Variants in HDC observed in about 807,000 individuals in gnomAD.
HDC encodes histidine decarboxylase.
A neutral mutation model predicts 64.4 loss-of-function variants in HDC; 27 were observed. The observed-to-expected ratio is 0.42, with a 90% CI of 0.31 to 0.58. HDC has a LOEUF of 0.58. Among genes scored for constraint, HDC ranks in the 20% least tolerant of loss-of-function variants. The pLI is 0.16. For synonymous variants in HDC, 305 were observed against 314.2 expected (o/e 0.97, Z 0.31); for missense variants, 711 against 833.9 (o/e 0.85, Z 1.81).
chr15:50,255,393 T>C (rs2045616939), intron 4 of HDC, among the ~76,000 whole-genome samples: 1 of 152,146 alleles, frequency 6.6e-6, no homozygotes, highest in Admixed American at 6.5e-5. Flanking sequence ...AGAATCCTGC[T>C]AAAAATGCCT....
rs761455765 is a variant in HDC at position 50,242,363 on chromosome 15, G to C, written c.1886C>G (p.Ala629Gly). The change falls in exon 12 of 12, where the codon GCC becomes GGC. Residue 629 changes from alanine to glycine, a missense_variant. Physicochemically the swap from Ala to Gly is moderately conservative, Grantham distance 60. Around this residue, in one of 3 missense-constraint regions of HDC, gnomAD observed 483 missense variants for 540.9 expected, o/e 0.89. Coordinates refer to ENST00000267845, the MANE Select transcript of HDC (RefSeq NM_002112.4). ...GTAGAATTTGATGAGTTTTTTGAAGGCACTTTTCTTCAGCATCATCATGTC... is the reference window on the plus strand; with the variant it reads ...GTAGAATTTGATGAGTTTTTTGAAGCCACTTTTCTTCAGCATCATCATGTC... ...PEDMMMLKKSAFKKLIKFYSV... is the reference protein window; with the variant it reads ...PEDMMMLKKSGFKKLIKFYSV... 3.1e-6 allele frequency: 5 copies of C among 1,613,936 alleles called. No individual in the cohort carries two copies. The Admixed American group carries it at 5.0e-5, about 16-fold the overall frequency.
Position 50,258,435 on chromosome 15 carries a change from G to A in HDC, c.287C>T (p.Ala96Val). 4 of 1,613,166 alleles carry A rather than the reference G, an allele frequency of 2.5e-6. No individual in the cohort carries two copies. The highest frequency in any genetic ancestry group is 2.5e-6 in the Non-Finnish European group (3 of 1,179,224). The change falls in exon 3 of 12, where the codon GCT becomes GTT. Residue 96 changes from alanine to valine, a missense_variant. By Grantham distance (64) the Ala-to-Val change is moderately conservative. Coordinates refer to ENST00000267845, the MANE Select transcript of HDC (RefSeq NM_002112.4). ...GAATCCCAAGCAGTTGATGGCATCA[G>A]CCAGCATGTCTCCTAGCAGGGAGGG... is the stretch of plus-strand genomic sequence containing the variant. ...SWPSLLGDML[A>V]DAINCLGFTW...
intron 7 of HDC, chr15:50,253,308 G>C (rs1162311738): frequency 2.1e-6 from 1 of 484,236 alleles, no homozygotes; most frequent in Non-Finnish European, 3.8e-6. Flanking sequence ...CCTGCATTAA[G>C]TAAAGTTCAA....
chr15:50,262,333 T>A (rs2045714797), intron 2 of HDC, among the ~76,000 whole-genome samples: 1 of 152,224 alleles, frequency 6.6e-6, no homozygotes. Flanking sequence ...TTAACTTCTC[T>A]GAGCATCAGC....
intron 2 of HDC, among the ~76,000 whole-genome samples, chr15:50,261,382 A>G (rs759624970): frequency 3.9e-5 from 6 of 152,190 alleles, no homozygotes; most frequent in Non-Finnish European, 5.9e-5. Flanking sequence ...CCAGGAGATA[A>G]TCTTATCAGG....
chr15:50,244,639 T>C (rs933953421), intron 10 of HDC: 3 of 152,184 alleles, frequency 2.0e-5, no homozygotes, highest in African/African-American at 7.2e-5. Flanking sequence ...TGAAATGAGT[T>C]TCTCCAAATC....
chr15:50,253,569 G>A (rs199525691), intron 7 of HDC, 31 bp downstream of exon 7: 1 of 1,583,688 alleles, frequency 6.3e-7, no homozygotes, highest in East Asian at 2.2e-5. Flanking sequence ...TGTATTCCTT[G>A]TCTTCCTAGC....
chr15:50,260,301 A>G (rs1793854), intron 2 of HDC, among the ~76,000 whole-genome samples: 148,058 of 152,244 alleles, frequency 0.97, 71,997 homozygotes, highest in East Asian at 1. Context: ...GATTACAGGC[A>G]TGCACCACTG....
At chr15:50,245,609 G>T (rs1310510100) in intron 10 of HDC, among the ~76,000 whole-genome samples, 1 of 152,092 alleles carries the variant, frequency 6.6e-6, no homozygotes, top group Non-Finnish European at 1.5e-5. Flanking sequence ...AATTAGGAAG[G>T]CATGGCCAGG....
At chr15:50,264,678 C>T (rs1595713613) in intron 1 of HDC, among the ~76,000 whole-genome samples, 1 of 152,172 alleles carries the variant, frequency 6.6e-6, no homozygotes, top group African/African-American at 2.4e-5. Context: ...AGAGGGGACT[C>T]AGTTTCTCCC....
chr15:50,253,159 G>T (rs770713875), intron 7 of HDC: 7 of 384,354 alleles, frequency 1.8e-5, no homozygotes, highest in Non-Finnish European at 2.9e-5. Flanking sequence ...CTTGCTTGGG[G>T]ATTAAACAGT....
At chr15:50,260,412 C>A (rs1336177042) in intron 2 of HDC, among the ~76,000 whole-genome samples, 1 of 152,164 alleles carries the variant, frequency 6.6e-6, no homozygotes, top group Non-Finnish European at 1.5e-5. Context: ...CCTCCCTCAA[C>A]CTCAGTTTCT....
intron 7 of HDC, 103 bp downstream of exon 7, chr15:50,253,497 G>A (rs1281234322): frequency 3.8e-6 from 4 of 1,058,856 alleles, no homozygotes; most frequent in Admixed American, 1.7e-5. Flanking sequence ...ATTGACCAAA[G>A]AGGAACAAGA....
intron 10 of HDC, among the ~76,000 whole-genome samples, chr15:50,245,085 C>A (rs2045461601): frequency 6.6e-6 from 1 of 152,206 alleles, no homozygotes; most frequent in African/African-American, 2.4e-5. Context: ...GAGGAGAATA[C>A]AGAGCACAGG....
At chr15:50,258,351 A>C (rs1302952543) in intron 3 of HDC, 53 bp downstream of exon 3, 1 of 968,804 alleles carries the variant, frequency 1.0e-6, no homozygotes, top group African/African-American at 1.6e-5. Context: ...GCCCTAGGAT[A>C]CCACTCCCTG....
At chr15:50,258,658 C>T in intron 2 of HDC, 141 bp from the exon 3 acceptor site, 1 of 690,042 alleles carries the variant, frequency 1.4e-6, no homozygotes, top group Non-Finnish European at 2.7e-6. Flanking sequence ...GACATAACTC[C>T]ATGAAAATCA....
Position 50,248,253 on chromosome 15 carries a change from C to A in HDC, c.1132G>T (p.Val378Phe). Residue 378 changes from valine to phenylalanine, a missense_variant, in exon 10 of 12, where the codon GTC (valine) becomes TTC (phenylalanine). By Grantham distance (50) the Val-to-Phe change is conservative. Transcript: ENST00000267845. This position sits in a 1 kb window ranked among gnomAD's most constrained non-coding sequence, Gnocchi z 4.3. ...SFGVKNLQAH[V>F]RHGTEMAKYF... ...AGCAGCATGCTACATACATGTCTGACATGTGCTTGAAGATTCTTCACCCCG... is the reference window on the plus strand; with the variant it reads ...AGCAGCATGCTACATACATGTCTGAAATGTGCTTGAAGATTCTTCACCCCG... The A allele has an allele frequency of 6.2e-7, 1 of 1,609,438 alleles. No homozygotes were observed. The highest frequency in any genetic ancestry group is 8.5e-7 in the Non-Finnish European group (1 of 1,175,710).
chr15:50,257,364 G>A (rs1218201731), intron 4 of HDC, 61 bp downstream of exon 4: 1 of 1,609,822 alleles, frequency 6.2e-7, no homozygotes, highest in Admixed American at 1.7e-5. Flanking sequence ...CCAGGTTAGG[G>A]TTTGGCTTGT....
chr15:50,242,580 C>A lies in HDC; in HGVS notation c.1669G>T (p.Ala557Ser), dbSNP rs2045411954. Residue 557 changes from alanine to serine, a missense_variant, in exon 12 of 12, where the codon GCC becomes TCC. Ala to Ser is a moderately conservative substitution (Grantham distance 99). Transcript: ENST00000267845. Reference protein sequence around the residue: ...DPVDDCFSEEAPDATKHKLSS... With the variant: ...DPVDDCFSEESPDATKHKLSS... The stretch of plus-strand genomic sequence containing the variant: ...AGCTTGTGCTTGGTGGCATCTGGGG[C>A]CTCTTCTGAAAAGCAGTCATCAACT... 6.2e-7 allele frequency: 1 copy of A among 1,614,110 alleles called. No individual in the cohort carries two copies. The highest frequency in any genetic ancestry group is 8.5e-7 in the Non-Finnish European group (1 of 1,180,032).
Sources: allele counts gnomAD v4.1 joint callset (sites outside exome capture counted in the v4.1 genomes callset), GRCh38; gene constraint gnomAD v4.1.1; regional missense constraint gnomAD v4.1.1; non-coding constraint Gnocchi (gnomAD v3.1); transcripts MANE v1.5; gene names NCBI Gene and HGNC (gene_info 2026-07-23, HGNC 2026-07-21).